The following ITGAE variants were observed in gnomAD, a reference collection of about 807,000 sequenced individuals.
The protein encoded by ITGAE is integrin subunit alpha E.
ITGAE carries 99 observed loss-of-function variants against 136.5 expected under a neutral mutation model. The ratio of observed to expected loss-of-function variants is 0.73; its 90% CI spans 0.62 to 0.86. The LOEUF is 0.86. Among genes scored for constraint, ITGAE ranks in the 40% least tolerant of loss-of-function variants. The probability of loss-of-function intolerance (pLI) is 0.00; values close to 1 mark genes in which losing one functional copy is unlikely to be tolerated. For missense variants in ITGAE, 1,447 were observed against 1,515.3 expected, an observed-to-expected ratio of 0.95 and a Z score of 0.75; for synonymous variants, 613 against 591.8, an observed-to-expected ratio of 1.04 and a Z score of -0.52.
At chr17:3,727,291 A>T in intron 26 of ITGAE, among the ~76,000 whole-genome samples, 1 of 152,156 alleles carries the variant, frequency 6.6e-6, no homozygotes. Context: ...TAAGCAACTT[A>T]TAGGGGGCAG....
chr17:3,794,969 C>T (rs755298097), intron 1 of ITGAE, among the ~76,000 whole-genome samples: 2 of 152,210 alleles, frequency 1.3e-5, no homozygotes, highest in African/African-American at 4.8e-5. Context: ...ACTCCTGCCT[C>T]CAGGCCTCGA....
chr17:3,797,310 C>CG (rs1362638167), intron 1 of ITGAE, among the ~76,000 whole-genome samples: 2 of 148,212 alleles, frequency 1.3e-5, no homozygotes, highest in East Asian at 4.0e-4. Context: ...GGACTACAGG[C>CG]ACCCGCCACC....
intron 26 of ITGAE, 135 bp from the exon 27 acceptor site, chr17:3,723,879 C>A: frequency 6.6e-7 from 1 of 1,519,876 alleles, no homozygotes; most frequent in Non-Finnish European, 8.8e-7. Flanking sequence ...CGGGCGCGTC[C>A]GCGTCGCACG....
rs2051165672 is a variant in ITGAE at position 3,724,752 on chromosome 17, A to C, written c.3085-1008T>G. 5.0e-6 allele frequency: 8 copies of C among 1,614,232 alleles called. No homozygotes were observed. In the East Asian group the frequency reaches 1.6e-4, roughly 31 times the overall value. On this transcript the variant is annotated intron_variant, in intron 26 of 30. Transcript: ENST00000263087. ...GAATATGAGAGAGTCCTGCTGTAAAAGGAAACTGGTGGTGGGAAATGGACC... is the reference window on the plus strand; with the variant it reads ...GAATATGAGAGAGTCCTGCTGTAAACGGAAACTGGTGGTGGGAAATGGACC...
At chr17:3,759,664 G>T in intron 7 of ITGAE, 111 bp from the exon 8 acceptor site, 1 of 1,325,830 alleles carries the variant, frequency 7.5e-7, no homozygotes, top group Non-Finnish European at 1.1e-6. Context: ...CTTATCCCTG[G>T]GCAGAAAGAG....
At chr17:3,717,909 T>G (rs1567751377) in intron 29 of ITGAE, 1 of 152,252 alleles carries the variant, frequency 6.6e-6, no homozygotes, top group South Asian at 2.1e-4. Flanking sequence ...ACCCTGGGTT[T>G]GGGAAGTGAA....
chr17:3,746,864 T>G (rs1387404908), intron 17 of ITGAE, among the ~76,000 whole-genome samples: 1 of 152,194 alleles, frequency 6.6e-6, no homozygotes, highest in South Asian at 2.1e-4. Context: ...GTGCTGGGAT[T>G]ACAGGCGTGA....
At chr17:3,765,060 C>T (rs2052261588) in intron 2 of ITGAE, among the ~76,000 whole-genome samples, 1 of 151,170 alleles carries the variant, frequency 6.6e-6, no homozygotes, top group South Asian at 2.1e-4. Flanking sequence ...TTCAAAAGCT[C>T]ATGATGAGGC....
At chr17:3,731,302 A>C in intron 22 of ITGAE, 119 bp from the exon 23 acceptor site, 4 of 652,844 alleles carry the variant, frequency 6.1e-6, no homozygotes, top group South Asian at 2.1e-5. Flanking sequence ...CATTCCTCAC[A>C]TTTTTCTAAC....
intron 3 of ITGAE, among the ~76,000 whole-genome samples, chr17:3,762,878 C>T (rs906445553): frequency 6.6e-6 from 1 of 151,046 alleles, no homozygotes; most frequent in African/African-American, 2.4e-5. Context: ...GGATTACAGG[C>T]ATGAGCCACC....
intron 3 of ITGAE, among the ~76,000 whole-genome samples, chr17:3,762,589 A>ATTTTT (rs1201695419): frequency 4.5e-5 from 5 of 111,782 alleles, no homozygotes; most frequent in Non-Finnish European, 9.1e-5. Context: ...TCAGACAAGG[A>ATTTTT]TTTTTTTTTT....
chr17:3,735,939 T>A (rs2051449759), intron 20 of ITGAE, among the ~76,000 whole-genome samples: 2 of 150,784 alleles, frequency 1.3e-5, no homozygotes, highest in Non-Finnish European at 3.0e-5. Context: ...AGGTCAGGAG[T>A]TCAAGACCAG....
chr17:3,764,584 C>A (rs182487255), intron 2 of ITGAE, among the ~76,000 whole-genome samples: 1 of 152,168 alleles, frequency 6.6e-6, no homozygotes, highest in Non-Finnish European at 1.5e-5. Context: ...GTAGTCCCAG[C>A]TACTCAGGAG....
At position 3,799,136 on chromosome 17, in the gene ITGAE, T is replaced by C. The variant is rs2053190573; in HGVS notation, c.34+1975A>G. On this transcript the variant is annotated intron_variant, in intron 1 of 30. Coordinates refer to ENST00000263087, the MANE Select transcript of ITGAE (RefSeq NM_002208.5). The surrounding 1 kb of genome is among the most constrained non-coding windows in gnomAD (Gnocchi z 4.1). ...GGGAGTTCTTCCTCCCAGCATCTCC[T>C]GGACATTTTCTTTCTCAGACTCTCC... Among the ~76,000 whole-genome samples, 1 of 152,142 alleles carries C rather than the reference T, an allele frequency of 6.6e-6. No individual in the cohort carries two copies. Among genetic ancestry groups the C allele is most frequent in the African/African-American group, 2.4e-5 (1 of 41,438 alleles).
chr17:3,744,741 G>A (rs907562364), intron 18 of ITGAE, among the ~76,000 whole-genome samples: 1 of 152,052 alleles, frequency 6.6e-6, no homozygotes. Context: ...GAGCCACTGC[G>A]CCCAACCAAC....
chr17:3,743,609 C>T lies in ITGAE; in HGVS notation c.2328G>A (p.Glu776=). 3 of 1,613,118 alleles carry T rather than the reference C, an allele frequency of 1.9e-6. No homozygotes were observed. Among genetic ancestry groups the T allele is most frequent in the Non-Finnish European group, 2.5e-6 (3 of 1,179,674 alleles). ...LLMPTEGELC[E]EDCFSNASVK... ...CACTGGCATTGGAGAAGCAGTCCTC[C>T]TCACAGAGCTGTGGGGTCACCACGG... Residue 776 remains glutamate, a synonymous_variant, in exon 19 of 31, where the codon GAG becomes GAA. Coordinates refer to ENST00000263087, the MANE Select transcript of ITGAE (RefSeq NM_002208.5).
At chr17:3,722,435 C>G (rs1441847602) in intron 28 of ITGAE, 2 of 149,448 alleles carry the variant, frequency 1.3e-5, no homozygotes, top group Non-Finnish European at 2.9e-5. Context: ...GAGTAGAGAT[C>G]GTGCCACTGC....
intron 21 of ITGAE, among the ~76,000 whole-genome samples, chr17:3,734,172 G>A (rs995218022): frequency 6.6e-6 from 1 of 152,186 alleles, no homozygotes; most frequent in East Asian, 1.9e-4. Context: ...CCGGGTTCAC[G>A]CCATTCTCCT....
chr17:3,734,988 A>T (rs2051429874), intron 20 of ITGAE, 39 bp from the exon 21 acceptor site: 1 of 1,612,256 alleles, frequency 6.2e-7, no homozygotes. Flanking sequence ...AGTTTATTTC[A>T]TCTGTAAAAA....
Sources: gnomAD v4.1 joint callset for allele counts (sites outside exome capture counted in the v4.1 genomes callset) on GRCh38, gnomAD v4.1.1 for gene constraint, Gnocchi (gnomAD v3.1) non-coding constraint, MANE v1.5 for transcripts, NCBI Gene and HGNC (gene_info 2026-07-23, HGNC 2026-07-21) for gene names.